Variants in MAP3K13 observed in about 807,000 individuals in gnomAD.
The protein encoded by MAP3K13 is mitogen-activated protein kinase kinase kinase 13.
A neutral mutation model predicts 104.0 loss-of-function variants in MAP3K13; 52 were observed. The observed-to-expected ratio is 0.50, with a 90% CI of 0.40 to 0.63. The LOEUF (loss-of-function observed/expected upper bound fraction) is 0.63, where lower values mean the gene tolerates loss of function less well. MAP3K13 is among the 20% of genes least tolerant of loss of function. The probability of loss-of-function intolerance (pLI) is 0.00; values close to 1 mark genes in which losing one functional copy is unlikely to be tolerated. For missense variants in MAP3K13, 914 were observed against 1,218.5 expected, an observed-to-expected ratio of 0.75 and a Z score of 3.72; for synonymous variants, 394 against 442.2, an observed-to-expected ratio of 0.89 and a Z score of 1.37.
At chr3:185,448,422 C>A (rs746181994) in intron 5 of MAP3K13, among the ~76,000 whole-genome samples, 2 of 152,088 alleles carry the variant, frequency 1.3e-5, no homozygotes, top group Non-Finnish European at 2.9e-5. Flanking sequence ...TATTGAACAG[C>A]CTCTATAGGC....
At chr3:185,430,209 T>A (rs1416569410) in intron 2 of MAP3K13, among the ~76,000 whole-genome samples, 2 of 151,936 alleles carry the variant, frequency 1.3e-5, no homozygotes, top group East Asian at 1.9e-4. Context: ...AAAAAAAAAA[T>A]TAAGTTTTTA....
In MAP3K13 at chr3:185,418,685, T is replaced by A. The variant is rs1261212026; in HGVS notation, c.-85-9812T>A. On this transcript the variant is annotated intron_variant, in intron 1 of 13. Coordinates refer to ENST00000265026, the MANE Select transcript of MAP3K13 (RefSeq NM_004721.5). The surrounding 1 kb of genome is among the most constrained non-coding windows in gnomAD (Gnocchi z 4.5). ...ACAAAGTTCACAATATCTGGTCGAA[T>A]AGGAGCCTTGAATACAGCAGGCTAA... The A allele has an allele frequency of 1.9e-6, 3 of 1,611,600 alleles. No homozygotes were observed. The highest frequency in any genetic ancestry group is 2.5e-6 in the Non-Finnish European group (3 of 1,178,654).
chr3:185,285,864 G>A (rs1430899024), intron 2 of MAP3K13, among the ~76,000 whole-genome samples: 2 of 152,100 alleles, frequency 1.3e-5, no homozygotes, highest in Admixed American at 1.3e-4. Context: ...TATTTATATT[G>A]TTCCTGGAAG....
upstream of MAP3K13, among the ~76,000 whole-genome samples, chr3:185,360,541 A>AG (rs1037523393): frequency 1.8e-4 from 28 of 152,184 alleles, no homozygotes; most frequent in African/African-American, 6.8e-4. Flanking sequence ...GTTGACATGG[A>AG]GGAGTCTTTG....
chr3:185,300,259 G>A (rs1721056082), intron 2 of MAP3K13, among the ~76,000 whole-genome samples: 2 of 147,990 alleles, frequency 1.4e-5, no homozygotes, highest in Non-Finnish European at 3.0e-5. Flanking sequence ...GCACGATCTC[G>A]GCTTATTGCA....
At chr3:185,290,494 G>A (rs941466350) in intron 2 of MAP3K13, among the ~76,000 whole-genome samples, 2 of 152,146 alleles carry the variant, frequency 1.3e-5, no homozygotes, top group Admixed American at 6.6e-5. Flanking sequence ...GTGAAAGATT[G>A]TGACATGGCA....
intron 1 of MAP3K13, among the ~76,000 whole-genome samples, chr3:185,370,942 C>G (rs1724131528): frequency 6.6e-6 from 1 of 152,080 alleles, no homozygotes; most frequent in Non-Finnish European, 1.5e-5. Flanking sequence ...CTCCTTTTGT[C>G]TTCTAACTCG....
intron 2 of MAP3K13, among the ~76,000 whole-genome samples, chr3:185,350,399 C>T (rs991990790): frequency 1.3e-5 from 2 of 152,126 alleles, no homozygotes; most frequent in East Asian, 1.9e-4. Context: ...GTTGGTCAGG[C>T]TGGGCTCAAA....
chr3:185,384,842 A>T (rs560552683), intron 1 of MAP3K13, among the ~76,000 whole-genome samples: 13 of 152,254 alleles, frequency 8.5e-5, no homozygotes, highest in African/African-American at 2.6e-4. Context: ...TATTCTGCAT[A>T]TTGGTCCCTT....
At chr3:185,366,688 T>C (rs1249238379) in intron 1 of MAP3K13, among the ~76,000 whole-genome samples, 1 of 152,240 alleles carries the variant, frequency 6.6e-6, no homozygotes, top group Non-Finnish European at 1.5e-5. Flanking sequence ...TAAAAGTGAA[T>C]GATGTCAAGG....
chr3:185,353,964 G>A (rs1286577475), intron 2 of MAP3K13, among the ~76,000 whole-genome samples: 1 of 152,164 alleles, frequency 6.6e-6, no homozygotes, highest in Admixed American at 6.5e-5. Flanking sequence ...GGGTAAGAGG[G>A]TGGCAGTGCA....
intron 7 of MAP3K13, among the ~76,000 whole-genome samples, chr3:185,456,939 A>C (rs1716790600): frequency 6.6e-6 from 1 of 152,112 alleles, no homozygotes; most frequent in Non-Finnish European, 1.5e-5. Context: ...ACGTAGCATA[A>C]TTTTGAAAAG....
At chr3:185,320,377 G>C (rs767524388) in intron 2 of MAP3K13, among the ~76,000 whole-genome samples, 8 of 152,112 alleles carry the variant, frequency 5.3e-5, no homozygotes, top group Non-Finnish European at 1.5e-5. Context: ...CATTGTGCCC[G>C]GCCTAAGTAA....
chr3:185,381,884 C>A (rs1724738335), intron 1 of MAP3K13, among the ~76,000 whole-genome samples: 1 of 152,220 alleles, frequency 6.6e-6, no homozygotes, highest in Admixed American at 6.5e-5. Context: ...AGAAACCTAA[C>A]CCTATACTTC....
At chr3:185,333,246 A>G (rs1722348797) in intron 2 of MAP3K13, among the ~76,000 whole-genome samples, 1 of 152,208 alleles carries the variant, frequency 6.6e-6, no homozygotes, top group Non-Finnish European at 1.5e-5. Context: ...ATCTACTAAT[A>G]GCTGTGCAAT....
intron 2 of MAP3K13, among the ~76,000 whole-genome samples, chr3:185,287,697 CT>C (rs1250392687): frequency 2.0e-5 from 3 of 152,066 alleles, no homozygotes; most frequent in Non-Finnish European, 4.4e-5. Flanking sequence ...TATTGTGTGT[CT>C]GTTAAAATTA....
At chr3:185,298,825 T>C (rs1721003599) in intron 2 of MAP3K13, among the ~76,000 whole-genome samples, 1 of 152,256 alleles carries the variant, frequency 6.6e-6, no homozygotes. Context: ...TCTAGGCGTT[T>C]AACTCATTAT....
At chr3:185,436,793 A>C (rs1715050978) in intron 2 of MAP3K13, among the ~76,000 whole-genome samples, 1 of 152,034 alleles carries the variant, frequency 6.6e-6, no homozygotes, top group African/African-American at 2.4e-5. Flanking sequence ...ACCTGAGGTC[A>C]GGAGTTCGAG....
chr3:185,414,451 A>C (rs1713628762), intron 1 of MAP3K13, among the ~76,000 whole-genome samples: 4 of 152,234 alleles, frequency 2.6e-5, no homozygotes, highest in Admixed American at 2.6e-4. Flanking sequence ...TATGAGACTT[A>C]GTTGTTTATC....
Sources: gnomAD v4.1 joint callset for allele counts (sites outside exome capture counted in the v4.1 genomes callset) on GRCh38, gnomAD v4.1.1 for gene constraint, Gnocchi (gnomAD v3.1) non-coding constraint, MANE v1.5 for transcripts, NCBI Gene and HGNC (gene_info 2026-07-23, HGNC 2026-07-21) for gene names.